Variants in C10orf71 observed in about 807,000 individuals in gnomAD.
C10orf71 encodes the protein chromosome 10 open reading frame 71.
For synonymous variants in C10orf71, 758 were observed against 726.3 expected (o/e 1.04, Z -0.70); for missense variants, 1,869 against 1,804.5 (o/e 1.04, Z -0.65).
chr10:49,304,871 C>T (rs1328806203), intron 1 of C10orf71, among the ~76,000 whole-genome samples: 1 of 152,252 alleles, frequency 6.6e-6, no homozygotes, highest in Non-Finnish European at 1.5e-5. Context: ...TCATAGGTTA[C>T]AGTTGTCCCT....
At chr10:49,319,008 A>G (rs1289828519) in intron 2 of C10orf71, among the ~76,000 whole-genome samples, 1 of 152,152 alleles carries the variant, frequency 6.6e-6, no homozygotes, top group African/African-American at 2.4e-5. Context: ...CAAGGAGGGG[A>G]GAGCATAGCC....
chr10:49,325,244 G>C lies in C10orf71; in HGVS notation c.2699G>C (p.Gly900Ala). The change falls in exon 3 of 3, where the codon GGT becomes GCT. Residue 900 changes from glycine to alanine, a missense_variant. Transcript: ENST00000374144. ...GAGGAATTGCCAAGGCCAGAATGGG[G>C]TGAGGATCCTGGGTTTTGTGCCCCC... ...KEEELPRPEW[G>A]EDPGFCAPEN... 1 of 1,551,868 alleles carries C rather than the reference G, an allele frequency of 6.4e-7. No homozygotes were observed. Among genetic ancestry groups the C allele is most frequent in the Non-Finnish European group, 8.7e-7 (1 of 1,147,028 alleles).
chr10:49,309,320 TATAAG>T (rs1848871150), intron 1 of C10orf71, among the ~76,000 whole-genome samples: 1 of 152,086 alleles, frequency 6.6e-6, no homozygotes, highest in Non-Finnish European at 1.5e-5. Context: ...TCAGTGCCCT[TATAAG>T]AAGAGACACA....
At chr10:49,311,582 A>T (rs1056400450) in intron 1 of C10orf71, among the ~76,000 whole-genome samples, 14 of 152,256 alleles carry the variant, frequency 9.2e-5, no homozygotes, top group African/African-American at 1.4e-4. Context: ...CACACCAAGG[A>T]TCTCAAAGTC....
Position 49,324,026 on chromosome 10 carries a change from C to G in C10orf71, c.1481C>G (p.Ser494Cys). The G allele has an allele frequency of 6.2e-7, 1 of 1,613,650 alleles. No individual in the cohort carries two copies. Among genetic ancestry groups the G allele is most frequent in the Non-Finnish European group, 8.5e-7 (1 of 1,179,724 alleles). Reference sequence around the variant, plus strand: ...TGTCAGTCTCGAGACAGCTACAAGTCCAAAGCCCCTAGCCTGCTGTTCAAC... The same window carrying G: ...TGTCAGTCTCGAGACAGCTACAAGTGCAAAGCCCCTAGCCTGCTGTTCAAC... Reference protein sequence around the residue: ...SECQSRDSYKSKAPSLLFNLK... With the variant: ...SECQSRDSYKCKAPSLLFNLK... Residue 494 changes from serine to cysteine, a missense_variant, in exon 3 of 3, where the codon TCC becomes TGC. Physicochemically the swap from Ser to Cys is moderately radical, Grantham distance 112. Transcript: ENST00000374144.
At chr10:49,319,089 A>G (rs1286117300) in intron 2 of C10orf71, among the ~76,000 whole-genome samples, 2 of 152,146 alleles carry the variant, frequency 1.3e-5, no homozygotes, top group Non-Finnish European at 2.9e-5. Flanking sequence ...ACTTAACAGC[A>G]CCCTGCCAGA....
intron 1 of C10orf71, among the ~76,000 whole-genome samples, chr10:49,300,151 A>G (rs1042050691): frequency 3.9e-5 from 6 of 152,240 alleles, no homozygotes; most frequent in Admixed American, 2.6e-4. Context: ...CCCTAAGTAT[A>G]GGAACCTGGG....
chr10:49,303,104 G>A (rs2377964), intron 1 of C10orf71, among the ~76,000 whole-genome samples: 60,370 of 151,926 alleles, frequency 0.4, 12,624 homozygotes, highest in Non-Finnish European at 0.47. Flanking sequence ...TCCAGCTTGG[G>A]CCTATACCTT....
chr10:49,306,152 C>G (rs1313613934), intron 1 of C10orf71, among the ~76,000 whole-genome samples: 1 of 152,242 alleles, frequency 6.6e-6, no homozygotes, highest in East Asian at 1.9e-4. Flanking sequence ...TCAGGGCCTT[C>G]TGAACCTCCT....
chr10:49,316,331 G>A (rs952282004), intron 2 of C10orf71, 84 bp downstream of exon 2: 9 of 152,046 alleles, frequency 5.9e-5, no homozygotes, highest in Non-Finnish European at 1.0e-4. Context: ...GGGGCTGGGG[G>A]TGGGGGGAGA....
intron 1 of C10orf71, among the ~76,000 whole-genome samples, chr10:49,315,787 G>A (rs1262710066): frequency 6.6e-6 from 1 of 152,294 alleles, no homozygotes; most frequent in South Asian, 2.1e-4. Flanking sequence ...CAGGCATGAC[G>A]GTTCACCCCT....
chr10:49,316,832 G>C (rs1434062773), intron 2 of C10orf71, among the ~76,000 whole-genome samples: 4 of 152,126 alleles, frequency 2.6e-5, no homozygotes, highest in South Asian at 4.2e-4. Context: ...GCCTCTGCAG[G>C]CACCTTGACT....
At position 49,326,404 on chromosome 10, in the gene C10orf71, G is replaced by A; in HGVS notation, c.3859G>A (p.Val1287Ile). The A allele has an allele frequency of 1.3e-6, 2 of 1,550,546 alleles. No homozygotes were observed. The highest frequency in any genetic ancestry group is 1.7e-6 in the Non-Finnish European group (2 of 1,146,902). The stretch of plus-strand genomic sequence containing the variant: ...GGATCCGCAGTCCGGGGAGTACTTT[G>A]TCTTCGACTTGCCACTCCAGGTGAA... ...LQDPQSGEYF[V>I]FDLPLQVKIK... The change falls in exon 3 of 3, where the codon GTC becomes ATC. Residue 1287 changes from valine to isoleucine, a missense_variant. Coordinates refer to ENST00000374144, the MANE Select transcript of C10orf71 (RefSeq NM_001135196.2).
chr10:49,299,664 G>A (rs17774672), intron 1 of C10orf71, among the ~76,000 whole-genome samples: 20,734 of 152,200 alleles, frequency 0.14, 1,739 homozygotes, highest in South Asian at 0.23. Flanking sequence ...CCACGTACCC[G>A]GAACCGTGTA....
intron 1 of C10orf71, among the ~76,000 whole-genome samples, chr10:49,308,258 G>A (rs1848850838): frequency 1.3e-5 from 2 of 152,226 alleles, no homozygotes; most frequent in Admixed American, 1.3e-4. Flanking sequence ...TCCTGCACAT[G>A]TAATGTGGTT....
intron 1 of C10orf71, among the ~76,000 whole-genome samples, chr10:49,312,445 C>T (rs1021787120): frequency 2.0e-5 from 3 of 152,244 alleles, no homozygotes; most frequent in African/African-American, 7.2e-5. Context: ...AGGGCAAAGC[C>T]AGCATTTCAT....
intron 1 of C10orf71, among the ~76,000 whole-genome samples, chr10:49,300,915 G>A (rs954321324): frequency 2.0e-5 from 3 of 152,188 alleles, no homozygotes; most frequent in Non-Finnish European, 2.9e-5. Context: ...CCTGGGGAGA[G>A]AAAGCTGTTG....
intron 2 of C10orf71, among the ~76,000 whole-genome samples, chr10:49,319,999 T>C (rs1257122550): frequency 6.6e-6 from 1 of 151,932 alleles, no homozygotes; most frequent in Non-Finnish European, 1.5e-5. Flanking sequence ...AATGGTAAGT[T>C]GTTGCTTAAT....
intron 1 of C10orf71, among the ~76,000 whole-genome samples, chr10:49,310,452 G>A (rs1290406924): frequency 1.3e-5 from 2 of 152,148 alleles, no homozygotes; most frequent in African/African-American, 4.8e-5. Flanking sequence ...AAAGCAGAAG[G>A]TGGTAAGGTG....
Sources: allele counts gnomAD v4.1 joint callset (sites outside exome capture counted in the v4.1 genomes callset), GRCh38; gene constraint gnomAD v4.1.1; transcripts MANE v1.5; gene names NCBI Gene and HGNC (gene_info 2026-07-23, HGNC 2026-07-21).